RPH3AL: variants seen among roughly 807,000 people sequenced by gnomAD.
RPH3AL encodes the protein rabphilin 3A like (without C2 domains).
Under a neutral mutation model 43.1 loss-of-function variants are expected in RPH3AL, and 38 were observed. The observed-to-expected ratio is 0.88, with a 90% confidence interval of 0.68 to 1.15. The LOEUF is 1.15. Among genes scored for constraint, RPH3AL ranks in the 50% most tolerant of loss-of-function variants. RPH3AL has a pLI of 0.00. For synonymous variants in RPH3AL, 189 were observed against 176.3 expected (o/e 1.07, Z -0.57); for missense variants, 462 against 423.2 (o/e 1.09, Z -0.81).
rs2040908587 is a variant in RPH3AL at position 219,701 on chromosome 17, T to G, written c.649A>C (p.Ser217Arg). The G allele has an allele frequency of 6.2e-7, 1 of 1,613,416 alleles. No individual in the cohort carries two copies. The highest frequency in any genetic ancestry group is 1.7e-5 in the Admixed American group (1 of 59,962). Residue 217 changes from serine to arginine, a missense_variant, in exon 8 of 10, where the codon AGC becomes CGC. Coordinates refer to ENST00000331302, the MANE Select transcript of RPH3AL (RefSeq NM_006987.4). ...AGTCTGTCCTCTAGGCTGGAGGAGC[T>G]AAGATCCGAGTCACTGTCACTGTCA... ...SSDSDSDSDLSSSSLEDRLPS... is the reference protein window; with the variant it reads ...SSDSDSDSDLRSSSLEDRLPS...
intron 7 of RPH3AL, among the ~76,000 whole-genome samples, chr17:227,601 T>C (rs1303338626): frequency 1.3e-5 from 2 of 152,158 alleles, no homozygotes; most frequent in East Asian, 3.9e-4. Flanking sequence ...GTCTGAATCC[T>C]GGGATTTAAC....
intron 5 of RPH3AL, among the ~76,000 whole-genome samples, chr17:309,725 C>T (rs1191018088): frequency 6.6e-5 from 9 of 136,808 alleles, no homozygotes; most frequent in African/African-American, 2.7e-4. Context: ...GCTGGGGGTC[C>T]AGGATACGGC....
intron 6 of RPH3AL, among the ~76,000 whole-genome samples, chr17:281,198 G>C (rs565861281): frequency 7.9e-5 from 12 of 152,150 alleles, no homozygotes; most frequent in Non-Finnish European, 1.8e-4. Context: ...CAGAAGGGGC[G>C]TTGGGTGGCA....
intron 5 of RPH3AL, among the ~76,000 whole-genome samples, chr17:316,982 T>A (rs1284371120): frequency 1.4e-5 from 2 of 138,454 alleles, no homozygotes; most frequent in African/African-American, 2.8e-5. Context: ...CATTGACCTG[T>A]AGTCCCTGTG....
Position 213,823 on chromosome 17 carries a change from AG to A in RPH3AL, c.*28del, listed in dbSNP as rs2040726085. 6.3e-7 allele frequency: 1 copy of A among 1,595,466 alleles called. No individual in the cohort carries two copies. Among genetic ancestry groups the A allele is most frequent in the Non-Finnish European group, 8.6e-7 (1 of 1,164,360 alleles). On this transcript the variant is annotated 3_prime_UTR_variant, in exon 10 of 10. Transcript: ENST00000331302. ...GCAGGGTCTGGCAGGAATCCTCCAC[AG>A]GGAAGTCTGTTCCAGGCACCAGACA... is the stretch of plus-strand genomic sequence containing the variant.
At chr17:232,262 T>A (rs1403577183) in intron 7 of RPH3AL, among the ~76,000 whole-genome samples, 1 of 152,228 alleles carries the variant, frequency 6.6e-6, no homozygotes, top group Non-Finnish European at 1.5e-5. Context: ...TTTCCTATTC[T>A]GTAAAATGGG....
At chr17:219,314 T>C (rs956084189) in intron 8 of RPH3AL, among the ~76,000 whole-genome samples, 23 of 145,950 alleles carry the variant, frequency 1.6e-4, no homozygotes, top group African/African-American at 5.6e-4. Context: ...TTCTCCTGTC[T>C]CAGCCTCCCA....
intron 7 of RPH3AL, among the ~76,000 whole-genome samples, chr17:224,264 C>T (rs1373358727): frequency 1.4e-5 from 2 of 143,570 alleles, no homozygotes; most frequent in African/African-American, 4.9e-5. Context: ...TTCCCCATGC[C>T]CCCAGGACCA....
chr17:239,700 T>C (rs2041483188), intron 7 of RPH3AL, among the ~76,000 whole-genome samples: 1 of 152,216 alleles, frequency 6.6e-6, no homozygotes, highest in East Asian at 1.9e-4. Flanking sequence ...AGTCTCAGCT[T>C]ACTGCCGCTT....
intron 7 of RPH3AL, among the ~76,000 whole-genome samples, chr17:232,478 G>C (rs898407606): frequency 6.6e-6 from 1 of 152,118 alleles, no homozygotes; most frequent in East Asian, 1.9e-4. Flanking sequence ...CCCAGGCCTC[G>C]GCTGACCCTG....
At chr17:314,887 T>C (rs375515963) in intron 5 of RPH3AL, among the ~76,000 whole-genome samples, 207 of 29,218 alleles carry the variant, frequency 7.1e-3, no homozygotes, top group African/African-American at 0.026. Flanking sequence ...ACCTGTAGTC[T>C]CTGTGCTCCA....
Position 215,167 on chromosome 17 carries a change from C to T in RPH3AL, c.876+487G>A, listed in dbSNP as rs539293081. On this transcript the variant is annotated intron_variant, in intron 9 of 9. Transcript: ENST00000331302. The surrounding 1 kb of genome is among the most constrained non-coding windows in gnomAD (Gnocchi z 4.1). ...GGAGACAGGGCTGATCCTGCACCTGCGCAGTTTTCTCTGGCTTCAGTTTAA... is the reference window on the plus strand; with the variant it reads ...GGAGACAGGGCTGATCCTGCACCTGTGCAGTTTTCTCTGGCTTCAGTTTAA... Among the ~76,000 whole-genome samples the T allele has an allele frequency of 3.9e-5, 6 of 152,250 alleles. No homozygotes were observed. Among genetic ancestry groups the T allele is most frequent in the African/African-American group, 7.2e-5 (3 of 41,556 alleles).
Position 225,356 on chromosome 17 carries a change from G to A in RPH3AL, c.614-5620C>T, listed in dbSNP as rs1463433650. On this transcript the variant is annotated intron_variant, in intron 7 of 9. Transcript: ENST00000331302. This position sits in a 1 kb window ranked among gnomAD's most constrained non-coding sequence, Gnocchi z 4.4. Reference sequence around the variant, plus strand: ...CTGCCTTATTTTGCAGTTGTTTTTCGGGTCCTGGACTGAGCTGCTTTGATC... The same window carrying A: ...CTGCCTTATTTTGCAGTTGTTTTTCAGGTCCTGGACTGAGCTGCTTTGATC... Among the ~76,000 whole-genome samples the A allele has an allele frequency of 2.0e-5, 3 of 152,076 alleles. No homozygotes were observed. The highest frequency in any genetic ancestry group is 4.4e-5 in the Non-Finnish European group (3 of 68,014).
intron 6 of RPH3AL, among the ~76,000 whole-genome samples, chr17:251,505 A>AGTTT (rs2041900908): frequency 6.6e-6 from 1 of 152,180 alleles, no homozygotes; most frequent in Non-Finnish European, 1.5e-5. Context: ...AGTCTCACCC[A>AGTTT]ACAGTTTACA....
chr17:324,871 A>G (rs947700442), intron 3 of RPH3AL, among the ~76,000 whole-genome samples: 1 of 152,146 alleles, frequency 6.6e-6, no homozygotes. Context: ...GATCACAGGC[A>G]TGTGCCACTA....
chr17:303,274 C>T (rs1224485807), intron 5 of RPH3AL, among the ~76,000 whole-genome samples: 1 of 152,018 alleles, frequency 6.6e-6, no homozygotes, highest in Non-Finnish European at 1.5e-5. Flanking sequence ...ACCTGTAGTC[C>T]CAGCTGCCCG....
chr17:330,420 G>A (rs1270664681), intron 2 of RPH3AL, among the ~76,000 whole-genome samples: 1 of 152,226 alleles, frequency 6.6e-6, no homozygotes, highest in Admixed American at 6.5e-5. Flanking sequence ...AGGAAAGACA[G>A]GTCAAAAATG....
chr17:337,544 G>A (rs778440836), intron 1 of RPH3AL, among the ~76,000 whole-genome samples: 161 of 152,318 alleles, frequency 1.1e-3, no homozygotes, highest in Admixed American at 1.2e-3. Context: ...AGCCTTTCTT[G>A]CCTGTGTGCT....
chr17:315,622 T>TG lies in RPH3AL; in HGVS notation c.351+3797_351+3798insC, dbSNP rs1429001877. ...CACCTCCACTGAACTCTAGTCCCTG[T>TG]ACTCCACCTCCACTGACCTGTAGTC... On this transcript the variant is annotated intron_variant, in intron 5 of 9. Coordinates refer to ENST00000331302, the MANE Select transcript of RPH3AL (RefSeq NM_006987.4). Among the ~76,000 whole-genome samples the TG allele has an allele frequency of 3.6e-4, 21 of 58,618 alleles. 1 individual carries two copies. The highest frequency in any genetic ancestry group is 2.3e-3 in the East Asian group (3 of 1,304). The allele number at this position is 58,618 out of a possible 152,430, so 38.5% of individuals were successfully genotyped here.
Sources: allele counts gnomAD v4.1 joint callset (sites outside exome capture counted in the v4.1 genomes callset), GRCh38; gene constraint gnomAD v4.1.1; non-coding constraint Gnocchi (gnomAD v3.1); transcripts MANE v1.5; gene names NCBI Gene and HGNC (gene_info 2026-07-23, HGNC 2026-07-21).